Variants in NOX4 observed in about 807,000 individuals in gnomAD.
NOX4 encodes kidney oxidase-1.
Under a neutral mutation model 87.6 loss-of-function variants are expected in NOX4, and 69 were observed. The ratio of observed to expected loss-of-function variants is 0.79; its 90% CI spans 0.65 to 0.96. The LOEUF (loss-of-function observed/expected upper bound fraction) is 0.96, where lower values mean the gene tolerates loss of function less well. Among genes scored for constraint, NOX4 ranks in the 40% least tolerant of loss-of-function variants. NOX4 has a pLI of 0.00. For missense variants in NOX4, 680 were observed against 681.5 expected (o/e 1.00, Z 0.02); for synonymous variants, 275 against 238.2 (o/e 1.15, Z -1.42).
chr11:89,504,504 G>C, the NOX4 span, among the ~76,000 whole-genome samples: 10 of 151,910 alleles, frequency 6.6e-5, no homozygotes, highest in Non-Finnish European at 1.0e-4. Context: ...TACTGAAGTA[G>C]ATAGGTGATA....
chr11:89,580,313 G>C, the NOX4 span, among the ~76,000 whole-genome samples: 1 of 152,068 alleles, frequency 6.6e-6, no homozygotes, highest in South Asian at 2.1e-4. Flanking sequence ...TCGTCCTAAA[G>C]AGCTGGGACT....
the NOX4 span, among the ~76,000 whole-genome samples, chr11:89,549,407 T>C: frequency 3.3e-5 from 5 of 152,224 alleles, no homozygotes; most frequent in African/African-American, 4.8e-5. Flanking sequence ...TCAAATGTGT[T>C]AGTATCACAT....
the NOX4 span, among the ~76,000 whole-genome samples, chr11:89,507,733 G>T: frequency 6.6e-6 from 1 of 151,630 alleles, no homozygotes; most frequent in Non-Finnish European, 1.5e-5. Context: ...TTATGTTTCT[G>T]CAGTACCCAG....
At chr11:89,367,703 A>T (rs1939112219) in intron 12 of NOX4, among the ~76,000 whole-genome samples, 1 of 152,044 alleles carries the variant, frequency 6.6e-6, no homozygotes, top group Admixed American at 6.6e-5. Context: ...AGGGTGACCC[A>T]TATAAAGGGC....
At chr11:89,429,651 C>A (rs980282488) in intron 7 of NOX4, among the ~76,000 whole-genome samples, 2 of 152,144 alleles carry the variant, frequency 1.3e-5, no homozygotes, top group Non-Finnish European at 2.9e-5. Flanking sequence ...CCTCCCAAGA[C>A]TAAACCAGGA....
At chr11:89,433,634 C>T (rs772458468) in intron 6 of NOX4, among the ~76,000 whole-genome samples, 1 of 151,880 alleles carries the variant, frequency 6.6e-6, no homozygotes, top group Non-Finnish European at 1.5e-5. Flanking sequence ...AAACACAGAA[C>T]AAAAATTGGA....
intron 2 of NOX4, among the ~76,000 whole-genome samples, chr11:89,475,021 T>TTTAA (rs1381017086): frequency 7.1e-6 from 1 of 141,654 alleles, no homozygotes; most frequent in African/African-American, 2.5e-5. Flanking sequence ...TATGGGAGTG[T>TTTAA]TTAAGTTTTG....
At chr11:89,450,623 C>A (rs1944915554) in intron 3 of NOX4, among the ~76,000 whole-genome samples, 2 of 151,762 alleles carry the variant, frequency 1.3e-5, no homozygotes, top group Admixed American at 6.6e-5. Context: ...GCACAATGTG[C>A]AGGTTAGTTA....
In NOX4 at chr11:89,402,412, C is replaced by T. The variant is rs1403529381; in HGVS notation, c.760G>A (p.Gly254Arg). ...GTAAACTCTGCCGGTTTTGAAAATC[C>T]TTCAGGGAAAGGTTCATGAAAATGT... ...SEHFHEPFPE[G>R]FSKPAEFTQH... is the part of the protein sequence containing the mutation. Residue 254 changes from glycine to arginine, a missense_variant, in exon 9 of 18, where the codon GGA becomes AGA. By Grantham distance (125) the Gly-to-Arg change is moderately radical. Transcript: ENST00000263317. 2.5e-6 allele frequency: 4 copies of T among 1,612,960 alleles called. No homozygotes were observed. Among genetic ancestry groups the T allele is most frequent in the Non-Finnish European group, 3.4e-6 (4 of 1,179,590 alleles).
At chr11:89,530,610 C>T in the NOX4 span, among the ~76,000 whole-genome samples, 3 of 151,688 alleles carry the variant, frequency 2.0e-5, no homozygotes, top group East Asian at 5.9e-4. Flanking sequence ...TAAACCTCCA[C>T]CCACCTCGGC....
chr11:89,482,164 A>C (rs1946417742), intron 2 of NOX4, among the ~76,000 whole-genome samples: 1 of 152,092 alleles, frequency 6.6e-6, no homozygotes, highest in South Asian at 2.1e-4. Flanking sequence ...CAAACCTCTA[A>C]GGAGGAACAT....
chr11:89,422,006 T>C (rs759928960), intron 7 of NOX4, 24 bp from the exon 8 acceptor site: 1 of 1,184,502 alleles, frequency 8.4e-7, no homozygotes, highest in South Asian at 1.4e-5. Flanking sequence ...TACACTCATT[T>C]TAATGCTACT....
intron 8 of NOX4, 40 bp downstream of exon 8, chr11:89,421,862 G>C (rs769370037): frequency 8.0e-7 from 1 of 1,244,994 alleles, no homozygotes; most frequent in South Asian, 1.4e-5. Flanking sequence ...CCCCATTTTG[G>C]GGCACAAATG....
the NOX4 span, among the ~76,000 whole-genome samples, chr11:89,564,748 T>G: frequency 9.3e-6 from 1 of 107,250 alleles, no homozygotes; most frequent in African/African-American, 4.3e-5. Context: ...TTGTTGTTTG[T>G]TTTTTGTTTT....
chr11:89,571,385 C>T, the NOX4 span, among the ~76,000 whole-genome samples: 1 of 151,672 alleles, frequency 6.6e-6, no homozygotes, highest in Admixed American at 6.6e-5. Context: ...CAACCTCCGC[C>T]TCCTGGGTTC....
upstream of NOX4, among the ~76,000 whole-genome samples, chr11:89,502,860 C>T (rs1420792671): frequency 2.0e-5 from 3 of 151,838 alleles, no homozygotes; most frequent in African/African-American, 7.3e-5. Context: ...TCAAATAATT[C>T]ACAAAATGAA....
the NOX4 span, among the ~76,000 whole-genome samples, chr11:89,526,158 A>C: frequency 6.6e-6 from 1 of 152,114 alleles, no homozygotes; most frequent in Non-Finnish European, 1.5e-5. Flanking sequence ...TTCTTTTTAA[A>C]ATTTTTTTGA....
rs1944423197 is a variant in NOX4, at chr11:89,440,778, A to G, written c.448-63T>C. On this transcript the variant is annotated intron_variant, in intron 5 of 17. Coordinates refer to ENST00000263317, the MANE Select transcript of NOX4 (RefSeq NM_016931.5). Reference sequence around the variant, plus strand: ...AAGCACTGATGATATATAATTCTATAAAGAGTATGCAGGATCTACAAACCA... The same window carrying G: ...AAGCACTGATGATATATAATTCTATGAAGAGTATGCAGGATCTACAAACCA... 3 of 948,658 alleles carry G rather than the reference A, an allele frequency of 3.2e-6. No individual in the cohort carries two copies. The East Asian group carries it at 8.2e-5, about 26-fold the overall frequency. 58.8% of individuals were successfully genotyped at this position (948,658 alleles called of 1,614,324 possible).
intron 3 of NOX4, among the ~76,000 whole-genome samples, chr11:89,450,176 G>A (rs1233005652): frequency 6.6e-6 from 1 of 152,050 alleles, no homozygotes; most frequent in African/African-American, 2.4e-5. Flanking sequence ...CAAACCAATA[G>A]CCAACCACAG....
Sources: gnomAD v4.1 joint callset for allele counts (sites outside exome capture counted in the v4.1 genomes callset) on GRCh38, gnomAD v4.1.1 for gene constraint, MANE v1.5 for transcripts, NCBI Gene and HGNC (gene_info 2026-07-23, HGNC 2026-07-21) for gene names.